GRIK4: variants seen among roughly 807,000 people sequenced by gnomAD.
GRIK4 encodes glutamate ionotropic receptor kainate type subunit 4, also known as glutamate receptor ionotropic, kainate 4.
A neutral mutation model predicts 104.9 loss-of-function variants in GRIK4; 40 were observed. That is an observed-to-expected ratio of 0.38 (90% CI 0.30 to 0.50). The LOEUF (loss-of-function observed/expected upper bound fraction) is 0.50. Ranked by LOEUF, GRIK4 falls within the 20% of genes least tolerant of loss-of-function variation. GRIK4 has a pLI of 0.93. For missense variants in GRIK4, 1,047 were observed against 1,308.1 expected (o/e 0.80, Z 3.08); for synonymous variants, 485 against 524.9 (o/e 0.92, Z 1.04).
In GRIK4 at chr11:120,721,178, G is replaced by A. The variant is rs146388144; in HGVS notation, c.82+60778G>A. Among the ~76,000 whole-genome samples, 1,089 of 152,226 alleles carry A rather than the reference G, an allele frequency of 7.2e-3. 10 individuals carry two copies. The highest frequency in any genetic ancestry group is 0.023 in the African/African-American group (943 of 41,536). On this transcript the variant is annotated intron_variant, in intron 3 of 20. Transcript: ENST00000527524. ...GTTGGGGTCCCTGGTTGGGAGCTAC[G>A]GGGAGTGGTTCAAGACAGCATTTTG...
At chr11:120,678,855 G>A (rs1950145226) in intron 3 of GRIK4, among the ~76,000 whole-genome samples, 1 of 151,714 alleles carries the variant, frequency 6.6e-6, no homozygotes, top group African/African-American at 2.4e-5. Context: ...GGCTGGTCTC[G>A]AACTCCCGAC....
intron 13 of GRIK4, among the ~76,000 whole-genome samples, chr11:120,913,368 T>C (rs1374483807): frequency 6.6e-6 from 1 of 151,820 alleles, no homozygotes; most frequent in Non-Finnish European, 1.5e-5. Context: ...ACTCCATCTG[T>C]AAAGTGACAG....
At chr11:120,888,030 T>G (rs1466834428) in intron 11 of GRIK4, among the ~76,000 whole-genome samples, 2 of 152,146 alleles carry the variant, frequency 1.3e-5, no homozygotes, top group Non-Finnish European at 2.9e-5. Flanking sequence ...CTCTGCTTAT[T>G]TCTCTGCCGC....
At position 120,964,663 on chromosome 11, in the gene GRIK4, A is replaced by G. The variant is rs768386395; in HGVS notation, c.2266+1982A>G. On this transcript the variant is annotated intron_variant, in intron 18 of 20. Coordinates refer to ENST00000527524, the MANE Select transcript of GRIK4 (RefSeq NM_014619.5). ...ATGGAGAGTTGGGGTAAGATAGACC[A>G]CAACTCTAGAAATTTTCATCAATAA... Among the ~76,000 whole-genome samples the G allele has an allele frequency of 2.6e-4, 40 of 152,336 alleles. 1 individual carries two copies. In the South Asian group the frequency reaches 8.3e-3, roughly 32 times the overall value.
chr11:120,546,473 C>T (rs749049093), intron 1 of GRIK4, among the ~76,000 whole-genome samples: 11 of 152,250 alleles, frequency 7.2e-5, no homozygotes, highest in Non-Finnish European at 1.0e-4. Context: ...TGGGCTAGGG[C>T]GACATGGTTT....
At chr11:120,922,494 G>T (rs560136229) in intron 13 of GRIK4, among the ~76,000 whole-genome samples, 1 of 152,330 alleles carries the variant, frequency 6.6e-6, no homozygotes, top group East Asian at 1.9e-4. Context: ...AATTCCAAAT[G>T]TGGCACCTCC....
At chr11:120,838,065 G>A (rs1953621788) in intron 8 of GRIK4, among the ~76,000 whole-genome samples, 1 of 152,202 alleles carries the variant, frequency 6.6e-6, no homozygotes, top group Non-Finnish European at 1.5e-5. Context: ...CCGGAATGAG[G>A]TGGAGTTGCT....
chr11:120,516,228 C>T (rs781389112), intron 1 of GRIK4, among the ~76,000 whole-genome samples: 51 of 152,136 alleles, frequency 3.4e-4, no homozygotes, highest in Middle Eastern at 3.2e-3. Context: ...GGATAGCACA[C>T]CAAGACACCC....
At chr11:120,629,050 G>A (rs1362635735) in intron 1 of GRIK4, among the ~76,000 whole-genome samples, 1 of 152,172 alleles carries the variant, frequency 6.6e-6, no homozygotes, top group East Asian at 1.9e-4. Context: ...CGCTGATGGA[G>A]CGGCACAGCC....
chr11:120,978,433 G>A (rs993371985), intron 19 of GRIK4, among the ~76,000 whole-genome samples: 1 of 152,082 alleles, frequency 6.6e-6, no homozygotes, highest in African/African-American at 2.4e-5. Context: ...TCCAGGCAGA[G>A]GAATTAACAG....
At chr11:120,912,741 G>C (rs956567449) in intron 13 of GRIK4, among the ~76,000 whole-genome samples, 1 of 152,228 alleles carries the variant, frequency 6.6e-6, no homozygotes, top group Non-Finnish European at 1.5e-5. Context: ...TGTAAGTCAA[G>C]ATGAAATCGC....
intron 1 of GRIK4, among the ~76,000 whole-genome samples, chr11:120,571,701 C>G (rs1044896424): frequency 5.9e-5 from 9 of 152,158 alleles, no homozygotes; most frequent in East Asian, 1.9e-4. Context: ...TCTTCTTCCT[C>G]TCTTGCCAGC....
chr11:120,619,321 C>A (rs1949155643), intron 1 of GRIK4, among the ~76,000 whole-genome samples: 1 of 152,176 alleles, frequency 6.6e-6, no homozygotes, highest in African/African-American at 2.4e-5. Context: ...ACCCCCATTG[C>A]ATCTTGGAAG....
intron 1 of GRIK4, among the ~76,000 whole-genome samples, chr11:120,636,707 G>A (rs1220564981): frequency 1.3e-5 from 2 of 152,218 alleles, no homozygotes; most frequent in Non-Finnish European, 2.9e-5. Flanking sequence ...GGGTGTGGTG[G>A]CGTGCGCCTG....
intron 8 of GRIK4, among the ~76,000 whole-genome samples, chr11:120,841,604 T>C (rs1327860490): frequency 6.6e-6 from 1 of 152,230 alleles, no homozygotes; most frequent in Non-Finnish European, 1.5e-5. Context: ...TTCAAGTCCC[T>C]GCTTTCAATC....
chr11:120,878,703 G>C (rs112114700), intron 11 of GRIK4, among the ~76,000 whole-genome samples: 1 of 149,988 alleles, frequency 6.7e-6, no homozygotes, highest in East Asian at 2.0e-4. Context: ...AAAACTGTGC[G>C]TGATGTATCA....
intron 3 of GRIK4, among the ~76,000 whole-genome samples, chr11:120,718,993 A>G (rs1352976863): frequency 6.6e-6 from 1 of 152,216 alleles, no homozygotes; most frequent in Non-Finnish European, 1.5e-5. Context: ...TAAGGTATAG[A>G]ATCAGGCTTA....
chr11:120,965,685 G>C (rs1364368355), intron 18 of GRIK4, among the ~76,000 whole-genome samples: 1 of 152,202 alleles, frequency 6.6e-6, no homozygotes, highest in African/African-American at 2.4e-5. Context: ...AGAGATCTGG[G>C]AGATGTTCTA....
In GRIK4 at chr11:120,519,865, G is replaced by GTTTTT. The variant is rs1311313035; in HGVS notation, c.-159+7988_-159+7992dup. Reference sequence around the variant, plus strand: ...TCTACCTCTGGCTACCTCACTACTGGTTTTTTTTTTTTTTGTTTTTTTTTT... The same window carrying GTTTTT: ...TCTACCTCTGGCTACCTCACTACTGGTTTTTTTTTTTTTTTTTTTGTTTTTTTTTT... On this transcript the variant is annotated intron_variant, in intron 1 of 20. Transcript: ENST00000527524. Among the ~76,000 whole-genome samples the GTTTTT allele has an allele frequency of 1.8e-3, 189 of 102,444 alleles. 1 individual carries two copies. The highest frequency in any genetic ancestry group is 7.0e-3 in the African/African-American group (150 of 21,440). The allele number at this position is 102,444 out of a possible 152,430, so 67.2% of individuals were successfully genotyped here.
Sources: gnomAD v4.1 joint callset for allele counts (sites outside exome capture counted in the v4.1 genomes callset) on GRCh38, gnomAD v4.1.1 for gene constraint, MANE v1.5 for transcripts, NCBI Gene and HGNC (gene_info 2026-07-23, HGNC 2026-07-21) for gene names.